Variants in KCNQ1 observed in about 807,000 individuals in gnomAD.
KCNQ1 encodes the protein potassium voltage-gated channel subfamily Q member 1.
Under a neutral mutation model 72.4 loss-of-function variants are expected in KCNQ1, and 49 were observed. That is an observed-to-expected ratio of 0.68 (90% confidence interval 0.54 to 0.86). The LOEUF (loss-of-function observed/expected upper bound fraction) is 0.86, where lower values mean the gene tolerates loss of function less well. KCNQ1 is among the 40% of genes least tolerant of loss of function. KCNQ1 has a pLI of 0.00. For missense variants in KCNQ1, 790 were observed against 945.1 expected, an observed-to-expected ratio of 0.84 and a Z score of 2.15; for synonymous variants, 450 against 412.6, an observed-to-expected ratio of 1.09 and a Z score of -1.10.
rs59766245 is a variant in KCNQ1, at chr11:2,523,751, G to GTTTTTTTTTTT, written c.387-4167_387-4157dup. On this transcript the variant is annotated intron_variant, in intron 1 of 15. Coordinates refer to ENST00000155840, the MANE Select transcript of KCNQ1 (RefSeq NM_000218.3). ...GCCTCTGCCTTGGAGGAAGTTTACA[G>GTTTTTTTTTTT]TTTTTTTTTTTTTTTTTTTTGAAAG... Among the ~76,000 whole-genome samples the GTTTTTTTTTTT allele has an allele frequency of 1.1e-4, 13 of 115,148 alleles. 1 individual carries two copies. Among genetic ancestry groups the GTTTTTTTTTTT allele is most frequent in the African/African-American group, 4.4e-4 (13 of 29,452 alleles). 75.5% of individuals were successfully genotyped at this position (115,148 alleles called of 152,430 possible).
intron 5 of KCNQ1, among the ~76,000 whole-genome samples, chr11:2,572,485 C>T (rs532946973): frequency 9.8e-5 from 15 of 152,344 alleles, no homozygotes; most frequent in Admixed American, 3.9e-4. Context: ...GCTGCACTGG[C>T]CCCTGGCTCT....
At chr11:2,831,617 T>TCTCTCCCCCGCTTCC (rs1847951902) in intron 15 of KCNQ1, among the ~76,000 whole-genome samples, 2 of 151,242 alleles carry the variant, frequency 1.3e-5, no homozygotes, top group African/African-American at 4.9e-5. Flanking sequence ...CCTCCGCTCC[T>TCTCTCCCCCGCTTCC]CTCTCCCCCG....
chr11:2,565,853 C>T lies in KCNQ1; in HGVS notation c.478-4775C>T, dbSNP rs1219916529. 2.0e-5 allele frequency among the ~76,000 whole-genome samples: 3 copies of T among 152,196 alleles called. No homozygotes were observed. The highest frequency in any genetic ancestry group is 2.9e-5 in the Non-Finnish European group (2 of 68,032). On this transcript the variant is annotated intron_variant, in intron 2 of 15. Coordinates refer to ENST00000155840, the MANE Select transcript of KCNQ1 (RefSeq NM_000218.3). The surrounding 1 kb of genome is among the most constrained non-coding windows in gnomAD (Gnocchi z 5.6). ...TGGGGTTTGGCTTCCTGACCCTGAA[C>T]GTCTTTGTCCCAGGCCCTTCACTGG...
intron 1 of KCNQ1, among the ~76,000 whole-genome samples, chr11:2,522,273 G>C (rs979749643): frequency 9.2e-6 from 1 of 108,556 alleles, no homozygotes; most frequent in Non-Finnish European, 2.2e-5. Context: ...CATGAGCTGG[G>C]GGGGGGTCGG....
At chr11:2,572,157 G>T in intron 5 of KCNQ1, 48 bp downstream of exon 5, 2 of 1,417,134 alleles carry the variant, frequency 1.4e-6, no homozygotes, top group Non-Finnish European at 2.0e-6. Context: ...GGGACAGGAC[G>T]GAGGGAGCAG....
chr11:2,448,366 T>C (rs1304203850), intron 1 of KCNQ1, among the ~76,000 whole-genome samples: 1 of 152,230 alleles, frequency 6.6e-6, no homozygotes. Flanking sequence ...TCCAGGGGTG[T>C]TGGCAGAACC....
Position 2,657,969 on chromosome 11 carries a change from T to G in KCNQ1, c.1394-3992T>G, listed in dbSNP as rs991356961. 4 of 398,500 alleles carry G rather than the reference T, an allele frequency of 1.0e-5. No homozygotes were observed. The Admixed American group carries it at 1.3e-4, about 13-fold the overall frequency. The allele number at this position is 398,500 out of a possible 1,614,324, so 24.7% of individuals were successfully genotyped here. ...ACCTTGAGCCACTCGTTTAAAGTGG[T>G]GTCGGCCAGGCTCCTCCACTGTAAG... On this transcript the variant is annotated intron_variant, in intron 10 of 15. Coordinates refer to ENST00000155840, the MANE Select transcript of KCNQ1 (RefSeq NM_000218.3). This position sits in a 1 kb window ranked among gnomAD's most constrained non-coding sequence, Gnocchi z 4.8.
chr11:2,471,692 G>GCA lies in KCNQ1; in HGVS notation c.386+26209_386+26210dup, dbSNP rs1412853499. Among the ~76,000 whole-genome samples, 2 of 151,680 alleles carry GCA rather than the reference G, an allele frequency of 1.3e-5. No homozygotes were observed. The highest frequency in any genetic ancestry group is 2.4e-5 in the African/African-American group (1 of 41,252). Reference sequence around the variant, plus strand: ...TGGGTGTGCACATGTGTATGGGTGTGCATGTGTGTATAGGTGTGTGTATGT... The same window carrying GCA: ...TGGGTGTGCACATGTGTATGGGTGTGCACATGTGTGTATAGGTGTGTGTATGT... On this transcript the variant is annotated intron_variant, in intron 1 of 15. Transcript: ENST00000155840. This position sits in a 1 kb window ranked among gnomAD's most constrained non-coding sequence, Gnocchi z 4.8.
chr11:2,618,165 G>A, intron 10 of KCNQ1: 1 of 398,368 alleles, frequency 2.5e-6, no homozygotes, highest in Non-Finnish European at 4.4e-6. Flanking sequence ...CTTATGTTTA[G>A]GTCTTTTATC....
chr11:2,513,896 C>G (rs1399569885), intron 1 of KCNQ1, among the ~76,000 whole-genome samples: 17 of 152,228 alleles, frequency 1.1e-4, no homozygotes, highest in Admixed American at 1.1e-3. Context: ...AAAGCCCCAC[C>G]TGCCTATTTC....
chr11:2,675,528 C>T (rs1850278210), intron 11 of KCNQ1: 2 of 398,528 alleles, frequency 5.0e-6, no homozygotes, highest in African/African-American at 4.1e-5. Flanking sequence ...ACATTTCTTC[C>T]AGAATCACTC....
chr11:2,609,791 A>G (rs1168562468), intron 10 of KCNQ1: 6 of 398,126 alleles, frequency 1.5e-5, no homozygotes, highest in Non-Finnish European at 2.2e-5. Flanking sequence ...TAACTTCAGT[A>G]ACATTCTTAA....
chr11:2,685,486 C>T (rs1418710943), intron 11 of KCNQ1: 7 of 398,744 alleles, frequency 1.8e-5, no homozygotes, highest in Admixed American at 8.8e-5. Context: ...CACAGGCCAC[C>T]AGCAAGTTGC....
rs1849780257 is a variant in KCNQ1 at position 2,652,965 on chromosome 11, A to C, written c.1394-8996A>C. ...CCCTGGGACTTCTCAGGATTCCGGA[A>C]GTCATCTTTGACTGTGTCACATCAC... On this transcript the variant is annotated intron_variant, in intron 10 of 15. Transcript: ENST00000155840. The surrounding 1 kb of genome is among the most constrained non-coding windows in gnomAD (Gnocchi z 5.9). 2.5e-6 allele frequency: 1 copy of C among 398,588 alleles called. No individual in the cohort carries two copies. Among genetic ancestry groups the C allele is most frequent in the African/African-American group, 2.1e-5 (1 of 48,652 alleles). The allele number at this position is 398,588 out of a possible 1,614,324, so 24.7% of individuals were successfully genotyped here.
chr11:2,581,578 G>A (rs951049357), intron 6 of KCNQ1, among the ~76,000 whole-genome samples: 12 of 152,238 alleles, frequency 7.9e-5, no homozygotes, highest in African/African-American at 2.2e-4. Flanking sequence ...GCTGCGCTCC[G>A]TGTGCCTGCG....
chr11:2,622,639 T>C (rs1564836616), intron 10 of KCNQ1: 1 of 398,640 alleles, frequency 2.5e-6, no homozygotes, highest in Non-Finnish European at 4.4e-6. Flanking sequence ...CTGCCTTTTT[T>C]TGTGTTTGAT....
At chr11:2,793,309 C>T (rs984805265) in intron 15 of KCNQ1, among the ~76,000 whole-genome samples, 1 of 152,160 alleles carries the variant, frequency 6.6e-6, no homozygotes, top group Admixed American at 6.5e-5. Flanking sequence ...CGAGCTTTCT[C>T]CAGAACCCAG....
rs961744966 is a variant in KCNQ1 at position 2,734,432 on chromosome 11, C to T, written c.1515-34412C>T. Among the ~76,000 whole-genome samples the T allele has an allele frequency of 5.9e-5, 9 of 152,224 alleles. No homozygotes were observed. Among genetic ancestry groups the T allele is most frequent in the African/African-American group, 1.7e-4 (7 of 41,466 alleles). On this transcript the variant is annotated intron_variant, in intron 11 of 15. Coordinates refer to ENST00000155840, the MANE Select transcript of KCNQ1 (RefSeq NM_000218.3). This position sits in a 1 kb window ranked among gnomAD's most constrained non-coding sequence, Gnocchi z 7.0. Reference sequence around the variant, plus strand: ...CCGCAGGTCGGGGGAGCACTGTCCCCGGGGCCCCGCAGCCAGCTGTGCTGG... The same window carrying T: ...CCGCAGGTCGGGGGAGCACTGTCCCTGGGGCCCCGCAGCCAGCTGTGCTGG...
intron 2 of KCNQ1, among the ~76,000 whole-genome samples, chr11:2,540,179 C>T (rs1178755107): frequency 6.6e-6 from 1 of 152,166 alleles, no homozygotes; most frequent in Non-Finnish European, 1.5e-5. Context: ...GAGGTCTCCT[C>T]TGACGCTGGG....
Sources: gnomAD v4.1 joint callset for allele counts (sites outside exome capture counted in the v4.1 genomes callset) on GRCh38, gnomAD v4.1.1 for gene constraint, Gnocchi (gnomAD v3.1) non-coding constraint, MANE v1.5 for transcripts, NCBI Gene and HGNC (gene_info 2026-07-23, HGNC 2026-07-21) for gene names.